Variants in ZNF420 observed in about 807,000 individuals in gnomAD.
ZNF420 encodes the protein zinc finger protein 420.
ZNF420 carries 31 observed loss-of-function variants against 44.7 expected under a neutral mutation model. The ratio of observed to expected loss-of-function variants is 0.69; its 90% CI spans 0.52 to 0.94. The LOEUF (loss-of-function observed/expected upper bound fraction) is 0.94, where lower values mean the gene tolerates loss of function less well. ZNF420 is among the 40% of genes least tolerant of loss of function. ZNF420 has a pLI of 0.00. For missense variants in ZNF420, 681 were observed against 827.9 expected, an observed-to-expected ratio of 0.82 and a Z score of 2.18; for synonymous variants, 245 against 267.4, an observed-to-expected ratio of 0.92 and a Z score of 0.82.
At chr19:37,053,592 G>A (rs1017433692) in intron 1 of ZNF420, among the ~76,000 whole-genome samples, 3 of 152,232 alleles carry the variant, frequency 2.0e-5, no homozygotes, top group African/African-American at 7.2e-5. Context: ...AGGACCCTCA[G>A]CTGCAGGTCT....
At chr19:37,112,072 G>A (rs1300687509) in intron 4 of ZNF420, among the ~76,000 whole-genome samples, 2 of 151,960 alleles carry the variant, frequency 1.3e-5, no homozygotes, top group Non-Finnish European at 2.9e-5. Context: ...TTTCGTTTTG[G>A]TAGCAGCCAC....
rs529026004 is a variant in ZNF420 at position 37,113,491 on chromosome 19, G to A, written c.137-13637G>A. Among the ~76,000 whole-genome samples the A allele has an allele frequency of 1.9e-3, 285 of 150,964 alleles. 1 individual carries two copies. Among genetic ancestry groups the A allele is most frequent in the Non-Finnish European group, 3.4e-3 (233 of 68,010 alleles). ...CTTTCCTTTTAATGGTTTAATGGCT[G>A]ATTGACACTCAGGATTGGCATTTTC... On this transcript the variant is annotated intron_variant, in intron 4 of 4. Transcript: ENST00000337995.
Position 37,066,776 on chromosome 19 carries a change from C to T in ZNF420, c.-124-13569C>T, listed in dbSNP as rs376437349. Among the ~76,000 whole-genome samples the T allele has an allele frequency of 2.0e-4, 30 of 152,214 alleles. No individual in the cohort carries two copies. In the East Asian group the frequency reaches 3.3e-3, roughly 17 times the overall value. Reference sequence around the variant, plus strand: ...CATACACCTATACACTGTGTCTGAACAATTCCATTCCTAGGTGTTACCCCA... The same window carrying T: ...CATACACCTATACACTGTGTCTGAATAATTCCATTCCTAGGTGTTACCCCA... On this transcript the variant is annotated intron_variant, in intron 1 of 4. Coordinates refer to the ZNF420 transcript ENST00000587029.
intron 1 of ZNF420, among the ~76,000 whole-genome samples, chr19:37,055,751 A>G (rs1323088297): frequency 1.3e-5 from 2 of 152,190 alleles, no homozygotes; most frequent in African/African-American, 4.8e-5. Context: ...ACATCTCCAG[A>G]AGGTCAACAA....
chr19:37,130,256 T>C lies in ZNF420; in HGVS notation c.*1198T>C, dbSNP rs1971593672. 1 of 1,506,642 alleles carries C rather than the reference T, an allele frequency of 6.6e-7. No individual in the cohort carries two copies. The allele number at this position is 1,506,642 out of a possible 1,614,324, so 93.3% of individuals were successfully genotyped here. ...CCCTGATGACTTTGTGGAACAGCCA[T>C]ACTAGCTCTGGTCTGCTTGCCTCCT... On this transcript the variant is annotated 3_prime_UTR_variant, in exon 5 of 5. Transcript: ENST00000337995.
At chr19:37,110,142 G>A (rs1234450442) in intron 4 of ZNF420, among the ~76,000 whole-genome samples, 1 of 152,154 alleles carries the variant, frequency 6.6e-6, no homozygotes, top group Non-Finnish European at 1.5e-5. Flanking sequence ...TTTAACATGG[G>A]AAGTACTTTC....
At chr19:37,098,284 A>C (rs1289100729) in intron 4 of ZNF420, among the ~76,000 whole-genome samples, 1 of 152,196 alleles carries the variant, frequency 6.6e-6, no homozygotes, top group East Asian at 1.9e-4. Flanking sequence ...TAATATTGCC[A>C]GTAAACCTAC....
chr19:37,009,372 C>G (rs1381651047), intron 1 of ZNF420, among the ~76,000 whole-genome samples: 3 of 152,186 alleles, frequency 2.0e-5, no homozygotes, highest in Non-Finnish European at 4.4e-5. Context: ...TGGTTCCCAG[C>G]TGTGCTTTGC....
intron 3 of ZNF420, among the ~76,000 whole-genome samples, chr19:37,090,069 A>T (rs949684241): frequency 3.3e-5 from 5 of 152,238 alleles, no homozygotes; most frequent in African/African-American, 1.2e-4. Flanking sequence ...ATGAAGAGAG[A>T]AACTTACATT....
chr19:37,083,776 C>G (rs2146499792), intron 2 of ZNF420, among the ~76,000 whole-genome samples: 1 of 152,200 alleles, frequency 6.6e-6, no homozygotes, highest in African/African-American at 2.4e-5. Context: ...CTTTATGGAG[C>G]CCTGGTTCCT....
In ZNF420 at chr19:37,129,115, A is replaced by C; in HGVS notation, c.*57A>C. On this transcript the variant is annotated 3_prime_UTR_variant, in exon 5 of 5. Transcript: ENST00000337995. Reference sequence around the variant, plus strand: ...GGTTCTCTGGTTGTTAGCAGCAAAGAATTCTCACAAATGTGAATATGGGCG... The same window carrying C: ...GGTTCTCTGGTTGTTAGCAGCAAAGCATTCTCACAAATGTGAATATGGGCG... 1 of 1,548,596 alleles carries C rather than the reference A, an allele frequency of 6.5e-7. No homozygotes were observed. The highest frequency in any genetic ancestry group is 8.7e-7 in the Non-Finnish European group (1 of 1,146,788).
At position 37,029,057 on chromosome 19, in the gene ZNF420, C is replaced by A. The variant is rs558262644; in HGVS notation, c.-125+20975C>A. On this transcript the variant is annotated intron_variant, in intron 1 of 4. Transcript: ENST00000587029. ...CAGAAATTGATTATCGATGCAGCAA[C>A]CTTTTACATTCCTCTCTGCTTTATT... Among the ~76,000 whole-genome samples the A allele has an allele frequency of 1.2e-4, 19 of 152,300 alleles. No individual in the cohort carries two copies. The East Asian group carries it at 3.5e-3, about 28-fold the overall frequency.
In ZNF420 at chr19:37,127,431, C is replaced by A; in HGVS notation, c.440C>A (p.Ala147Asp). ...KPYKCKECGK[A>D]FRRASHLTQH... The stretch of plus-strand genomic sequence containing the variant: ...TATAAATGTAAGGAATGTGGGAAAG[C>A]CTTCAGACGAGCCTCACACCTAACA... The change falls in exon 5 of 5, where the codon GCC (alanine) becomes GAC (aspartate). Residue 147 changes from alanine to aspartate, a missense_variant. This residue lies in a region of ZNF420 where 350 missense variants were observed against 382.5 expected (regional missense o/e 0.92). Coordinates refer to ENST00000337995, the MANE Select transcript of ZNF420 (RefSeq NM_144689.5). 2 of 1,614,048 alleles carry A rather than the reference C, an allele frequency of 1.2e-6. No individual in the cohort carries two copies. Among genetic ancestry groups the A allele is most frequent in the Non-Finnish European group, 1.7e-6 (2 of 1,179,962 alleles).
intron 1 of ZNF420, among the ~76,000 whole-genome samples, chr19:37,053,161 T>C (rs1471540445): frequency 6.6e-6 from 1 of 152,232 alleles, no homozygotes; most frequent in African/African-American, 2.4e-5. Flanking sequence ...AATCGGCTAC[T>C]GAGGCTTGTG....
At chr19:37,116,775 G>T (rs185300478) in intron 4 of ZNF420, among the ~76,000 whole-genome samples, 1 of 152,174 alleles carries the variant, frequency 6.6e-6, no homozygotes, top group East Asian at 1.9e-4. Flanking sequence ...CTTTTCCAAC[G>T]GGCTTAAAAA....
chr19:37,105,401 G>A (rs1403300781), intron 4 of ZNF420, among the ~76,000 whole-genome samples: 1 of 152,172 alleles, frequency 6.6e-6, no homozygotes, highest in Non-Finnish European at 1.5e-5. Flanking sequence ...GGTTACTGTA[G>A]CCTTGTAGTA....
intron 4 of ZNF420, among the ~76,000 whole-genome samples, chr19:37,119,167 A>T (rs1166492252): frequency 1.3e-5 from 2 of 150,976 alleles, no homozygotes; most frequent in East Asian, 3.9e-4. Context: ...CAGAATATAC[A>T]TTTTTTTTCA....
At chr19:37,084,347 G>A (rs2146502427) in intron 2 of ZNF420, among the ~76,000 whole-genome samples, 1 of 152,070 alleles carries the variant, frequency 6.6e-6, no homozygotes, top group East Asian at 1.9e-4. Flanking sequence ...TTATTTCTTA[G>A]AGATTTTTTT....
At chr19:37,084,312 C>T (rs1027917616) in intron 2 of ZNF420, among the ~76,000 whole-genome samples, 3 of 152,112 alleles carry the variant, frequency 2.0e-5, no homozygotes, top group African/African-American at 7.2e-5. Context: ...GCTTTATGCA[C>T]AGATAAGTTT....
Sources: gnomAD v4.1 joint callset for allele counts (sites outside exome capture counted in the v4.1 genomes callset) on GRCh38, gnomAD v4.1.1 for gene constraint, gnomAD v4.1.1 regional missense constraint, MANE v1.5 for transcripts, NCBI Gene and HGNC (gene_info 2026-07-23, HGNC 2026-07-21) for gene names.